CLIC5: variants seen among roughly 807,000 people sequenced by gnomAD.
CLIC5 encodes chloride intracellular channel protein 5.
A neutral mutation model predicts 24.7 loss-of-function variants in CLIC5; 20 were observed. That is an observed-to-expected ratio of 0.81 (90% CI 0.57 to 1.18). The LOEUF (loss-of-function observed/expected upper bound fraction) is 1.18, where lower values mean the gene tolerates loss of function less well. Ranked by LOEUF, CLIC5 falls within the 50% of genes most tolerant of loss-of-function variation. CLIC5 has a pLI of 0.00. For missense variants in CLIC5, 341 were observed against 326.1 expected, an observed-to-expected ratio of 1.05 and a Z score of -0.35; for synonymous variants, 159 against 135.6, an observed-to-expected ratio of 1.17 and a Z score of -1.20.
chr6:46,119,719 C>T, the CLIC5 span, among the ~76,000 whole-genome samples: 47,938 of 152,158 alleles, frequency 0.32, 7,982 homozygotes, highest in Middle Eastern at 0.44. Context: ...CCTTGAAAAT[C>T]GGGTCACTCC....
At chr6:45,990,564 G>A (rs1352507287) in intron 1 of CLIC5, among the ~76,000 whole-genome samples, 1 of 152,194 alleles carries the variant, frequency 6.6e-6, no homozygotes, top group Non-Finnish European at 1.5e-5. Context: ...TTACCTCACA[G>A]CAAAAATTTA....
At chr6:45,981,842 CA>C (rs1367500637) in intron 1 of CLIC5, among the ~76,000 whole-genome samples, 1 of 151,888 alleles carries the variant, frequency 6.6e-6, no homozygotes, top group Non-Finnish European at 1.5e-5. Flanking sequence ...TACAAAAATA[CA>C]AAAAATTATC....
At chr6:46,006,834 C>A (rs1766603211) in intron 1 of CLIC5, among the ~76,000 whole-genome samples, 2 of 151,856 alleles carry the variant, frequency 1.3e-5, no homozygotes, top group East Asian at 1.9e-4. Context: ...TGCCACCACA[C>A]CCGGCTAATT....
intron 1 of CLIC5, among the ~76,000 whole-genome samples, chr6:46,025,784 G>A (rs1767313014): frequency 1.3e-5 from 2 of 152,140 alleles, no homozygotes; most frequent in Admixed American, 6.5e-5. Context: ...GAGGTGACTG[G>A]ATCATGAGGA....
upstream of CLIC5, among the ~76,000 whole-genome samples, chr6:46,081,783 CAA>C (rs886277649): frequency 1.2e-4 from 19 of 152,294 alleles, no homozygotes; most frequent in Middle Eastern, 3.4e-3. Flanking sequence ...CAAGTTTACA[CAA>C]AAACTTAATG....
At chr6:45,949,179 G>T (rs769491014) in intron 3 of CLIC5, 77 bp downstream of exon 3, 2 of 1,515,622 alleles carry the variant, frequency 1.3e-6, no homozygotes, top group African/African-American at 1.4e-5. Flanking sequence ...GCATCTGCCC[G>T]AAGTTAACAC....
At chr6:46,046,936 C>T (rs936498782) in intron 1 of CLIC5, among the ~76,000 whole-genome samples, 1 of 152,284 alleles carries the variant, frequency 6.6e-6, no homozygotes, top group Non-Finnish European at 1.5e-5. Context: ...ATACTCTGAC[C>T]TAACGCAAGG....
At chr6:46,081,194 A>G (rs894978378), upstream of CLIC5, among the ~76,000 whole-genome samples, 6 of 152,242 alleles carry the variant, frequency 3.9e-5, no homozygotes, top group African/African-American at 1.4e-4. Context: ...AAGGCTGTTC[A>G]GTCAATGCCA....
chr6:45,995,943 C>T (rs548752832), intron 1 of CLIC5, among the ~76,000 whole-genome samples: 1 of 151,876 alleles, frequency 6.6e-6, no homozygotes, highest in South Asian at 2.1e-4. Flanking sequence ...AGTGGAACAA[C>T]ACACACACAC....
At chr6:45,915,055 G>C (rs1001927250) in intron 4 of CLIC5, among the ~76,000 whole-genome samples, 1 of 151,332 alleles carries the variant, frequency 6.6e-6, no homozygotes, top group Non-Finnish European at 1.5e-5. Context: ...TCAGCCTCTC[G>C]AGTAGCTGGG....
chr6:46,056,042 T>C (rs978617642), intron 1 of CLIC5, among the ~76,000 whole-genome samples: 2 of 152,222 alleles, frequency 1.3e-5, no homozygotes, highest in African/African-American at 4.8e-5. Context: ...GTACATTTGA[T>C]GCCACTGAAC....
chr6:45,953,274 G>A (rs1418134599), intron 2 of CLIC5, among the ~76,000 whole-genome samples: 2 of 152,104 alleles, frequency 1.3e-5, no homozygotes, highest in African/African-American at 4.8e-5. Flanking sequence ...CAGTTGTAAA[G>A]CATTAGGGGT....
At chr6:45,980,375 A>C (rs1305991018) in intron 1 of CLIC5, among the ~76,000 whole-genome samples, 6 of 152,174 alleles carry the variant, frequency 3.9e-5, no homozygotes, top group African/African-American at 1.4e-4. Context: ...ACACATGGCC[A>C]TAAAGATGGG....
rs1327773297 is a variant in CLIC5 at position 46,027,548 on chromosome 6, AG to A, written c.540+52154del. On this transcript the variant is annotated intron_variant, in intron 1 of 5. Transcript: ENST00000185206. Reference sequence around the variant, plus strand: ...AAAATCTGCCCAGAAGTTTTCATTCAGTGAAAGAGTTCCAGCATAACCAATA... The same window carrying A: ...AAAATCTGCCCAGAAGTTTTCATTCATGAAAGAGTTCCAGCATAACCAATA... 7.2e-5 allele frequency among the ~76,000 whole-genome samples: 11 copies of A among 152,366 alleles called. No homozygotes were observed. The East Asian group carries it at 2.1e-3, about 29-fold the overall frequency.
At chr6:45,882,928 A>C (rs1210255258) in intron 6 of CLIC5, among the ~76,000 whole-genome samples, 3 of 152,180 alleles carry the variant, frequency 2.0e-5, no homozygotes, top group Non-Finnish European at 4.4e-5. Flanking sequence ...CCTTTTAGAA[A>C]GTTATAATTT....
chr6:46,063,538 T>C (rs1762353566), intron 1 of CLIC5, among the ~76,000 whole-genome samples: 1 of 152,150 alleles, frequency 6.6e-6, no homozygotes, highest in Admixed American at 6.5e-5. Context: ...GGAGATGCAG[T>C]TCCTAACAGA....
rs145050187 is a variant in CLIC5 at position 45,949,267 on chromosome 6, C to A, written c.288G>T (p.Leu96Phe). 218 of 1,613,302 alleles carry A rather than the reference C, an allele frequency of 1.4e-4. No homozygotes were observed. Among genetic ancestry groups the A allele is most frequent in the Non-Finnish European group, 1.7e-4 (201 of 1,179,630 alleles). The change falls in exon 3 of 6, where the codon TTG becomes TTT. Residue 96 changes from leucine to phenylalanine, a missense_variant. Physicochemically the swap from Leu to Phe is conservative, Grantham distance 22. Transcript: ENST00000339561. ...AAACAGATCCTTACTTTTCAGGGGTCAAGGTCTCCTCCAGGAACTCCTCGA... is the reference window on the plus strand; with the variant it reads ...AAACAGATCCTTACTTTTCAGGGGTAAAGGTCTCCTCCAGGAACTCCTCGA... ...NKIEEFLEET[L>F]TPEKYPKLAA...
intron 1 of CLIC5, among the ~76,000 whole-genome samples, chr6:45,977,312 T>G (rs1199335279): frequency 1.3e-5 from 2 of 152,168 alleles, no homozygotes; most frequent in Admixed American, 1.3e-4. Context: ...ACAAGCATAT[T>G]GTAATTATTC....
intron 1 of CLIC5, among the ~76,000 whole-genome samples, chr6:46,041,559 A>C (rs2127460740): frequency 6.6e-6 from 1 of 152,366 alleles, no homozygotes; most frequent in Middle Eastern, 3.4e-3. Context: ...AGAAGTTTCA[A>C]AAGAAAACAG....
Sources: gnomAD v4.1 joint callset for allele counts (sites outside exome capture counted in the v4.1 genomes callset) on GRCh38, gnomAD v4.1.1 for gene constraint, MANE v1.5 for transcripts, NCBI Gene and HGNC (gene_info 2026-07-23, HGNC 2026-07-21) for gene names.